The following ANKH variants were observed in gnomAD, a reference collection of about 807,000 sequenced individuals.
ANKH encodes the protein ANKH inorganic pyrophosphate transport regulator, also known as mineralization regulator ANKH.
ANKH carries 15 observed loss-of-function variants against 49.0 expected under a neutral mutation model. That is an observed-to-expected ratio of 0.31 (90% confidence interval 0.20 to 0.47). The LOEUF is 0.47. Ranked by LOEUF, ANKH falls within the 20% of genes least tolerant of loss-of-function variation. The pLI is 1.00. For missense variants in ANKH, 429 were observed against 652.0 expected, an observed-to-expected ratio of 0.66 and a Z score of 3.72; for synonymous variants, 273 against 260.0, an observed-to-expected ratio of 1.05 and a Z score of -0.48.
At chr5:14,807,604 G>A (rs1740747043) in intron 1 of ANKH, among the ~76,000 whole-genome samples, 1 of 152,180 alleles carries the variant, frequency 6.6e-6, no homozygotes, top group South Asian at 2.1e-4. Flanking sequence ...ACTGACACCT[G>A]TCTTAGATTA....
chr5:14,749,059 A>T, intron 6 of ANKH, 113 bp downstream of exon 6: 1 of 1,448,884 alleles, frequency 6.9e-7, no homozygotes, highest in Non-Finnish European at 9.6e-7. Flanking sequence ...ACTGTCATGT[A>T]ATTTAATATT....
At chr5:14,723,689 TTC>T (rs1393986348) in intron 8 of ANKH, among the ~76,000 whole-genome samples, 1 of 152,206 alleles carries the variant, frequency 6.6e-6, no homozygotes, top group Non-Finnish European at 1.5e-5. Context: ...CATAATTCAC[TTC>T]TCTGTTATTT....
intron 1 of ANKH, among the ~76,000 whole-genome samples, chr5:14,819,936 CACATT>C (rs1276308957): frequency 7.1e-6 from 1 of 140,798 alleles, no homozygotes; most frequent in Admixed American, 7.3e-5. Context: ...CACACACACA[CACATT>C]AAGCCTAATC....
At chr5:14,721,305 A>C (rs1165869061) in intron 8 of ANKH, among the ~76,000 whole-genome samples, 2 of 152,154 alleles carry the variant, frequency 1.3e-5, no homozygotes, top group South Asian at 4.1e-4. Flanking sequence ...CACACCCTAA[A>C]TGCCCCTTAT....
At chr5:14,866,589 T>A (rs1228735517) in intron 1 of ANKH, among the ~76,000 whole-genome samples, 1 of 152,204 alleles carries the variant, frequency 6.6e-6, no homozygotes, top group African/African-American at 2.4e-5. Context: ...GCAGATACTT[T>A]AAAAGAAATA....
chr5:14,715,382 C>T (rs1015773349), intron 9 of ANKH, among the ~76,000 whole-genome samples: 8 of 152,118 alleles, frequency 5.3e-5, no homozygotes, highest in Admixed American at 3.9e-4. Context: ...CCACCTGCCT[C>T]GGACTACCAA....
intron 1 of ANKH, among the ~76,000 whole-genome samples, chr5:14,849,922 C>G (rs1742078782): frequency 6.6e-6 from 1 of 152,134 alleles, no homozygotes; most frequent in Non-Finnish European, 1.5e-5. Context: ...TGCACCCTTT[C>G]CTGCCTTACA....
At chr5:14,815,441 A>C (rs1004101346) in intron 1 of ANKH, among the ~76,000 whole-genome samples, 1 of 152,200 alleles carries the variant, frequency 6.6e-6, no homozygotes, top group Non-Finnish European at 1.5e-5. Flanking sequence ...GAAATTGTTC[A>C]TTCATAGTCA....
rs575713695 is a variant in ANKH at position 14,737,072 on chromosome 5, A to G, written c.1011+4755T>C. ...AAGGTGTTAAAAACTTCTGTTTATT[A>G]AAATATGATTGGCTATGGACTTCAG... On this transcript the variant is annotated intron_variant, in intron 8 of 11. Transcript: ENST00000284268. The surrounding 1 kb of genome is among the most constrained non-coding windows in gnomAD (Gnocchi z 5.0). Among the ~76,000 whole-genome samples, 1 of 152,374 alleles carries G rather than the reference A, an allele frequency of 6.6e-6. No individual in the cohort carries two copies. Among genetic ancestry groups the G allele is most frequent in the African/African-American group, 2.4e-5 (1 of 41,584 alleles).
chr5:14,810,439 G>A (rs1740845029), intron 1 of ANKH, among the ~76,000 whole-genome samples: 1 of 152,198 alleles, frequency 6.6e-6, no homozygotes, highest in African/African-American at 2.4e-5. Flanking sequence ...GATTACAGGA[G>A]TGAGCCACCG....
intron 8 of ANKH, among the ~76,000 whole-genome samples, chr5:14,734,514 A>G (rs1580014875): frequency 6.6e-6 from 1 of 152,246 alleles, no homozygotes; most frequent in Non-Finnish European, 1.5e-5. Flanking sequence ...CTGAAACCTT[A>G]TAACACTATG....
Position 14,758,528 on chromosome 5 carries a change from C to G in ANKH, c.384G>C (p.Thr128=), listed in dbSNP as rs751012581. The change falls in exon 3 of 12, where the codon ACG becomes ACC. Residue 128 remains threonine (T), a synonymous_variant. Transcript: ENST00000284268. ...HHVDESVGSK[T]RRAFLYLAAF... Reference sequence around the variant, plus strand: ...CGGCGAGGTACAGGAAGGCCCTTCTCGTCTTGCTCCCCACCGACTCGTCCA... The same window carrying G: ...CGGCGAGGTACAGGAAGGCCCTTCTGGTCTTGCTCCCCACCGACTCGTCCA... The G allele has an allele frequency of 1.2e-6, 2 of 1,613,994 alleles. No homozygotes were observed. The highest frequency in any genetic ancestry group is 1.3e-5 in the African/African-American group (1 of 74,886).
chr5:14,846,809 T>A (rs1257557317), intron 1 of ANKH, among the ~76,000 whole-genome samples: 1 of 151,782 alleles, frequency 6.6e-6, no homozygotes, highest in African/African-American at 2.4e-5. Flanking sequence ...CTGGCCAACA[T>A]GGTAAAACTG....
intron 1 of ANKH, among the ~76,000 whole-genome samples, chr5:14,801,178 C>CAGAATT (rs1273673252): frequency 6.6e-6 from 1 of 152,210 alleles, no homozygotes; most frequent in Non-Finnish European, 1.5e-5. Context: ...GAAGATTTAA[C>CAGAATT]AGAATTATTG....
chr5:14,835,387 G>C (rs1011095503), intron 1 of ANKH, among the ~76,000 whole-genome samples: 1 of 152,154 alleles, frequency 6.6e-6, no homozygotes, highest in Non-Finnish European at 1.5e-5. Context: ...CCCACAGACA[G>C]GTTGAAATGC....
At chr5:14,827,170 C>T (rs528806360) in intron 1 of ANKH, among the ~76,000 whole-genome samples, 3 of 152,344 alleles carry the variant, frequency 2.0e-5, no homozygotes, top group Non-Finnish European at 2.9e-5. Context: ...TTCTTCTTTC[C>T]GCGTGACTCT....
intron 8 of ANKH, among the ~76,000 whole-genome samples, chr5:14,718,817 C>A (rs368878794): frequency 7.5e-5 from 10 of 132,904 alleles, no homozygotes; most frequent in African/African-American, 2.9e-4. Context: ...GAAACTCCAT[C>A]CTCCCAACAC....
chr5:14,729,045 G>C (rs1290085867), intron 8 of ANKH, among the ~76,000 whole-genome samples: 1 of 151,968 alleles, frequency 6.6e-6, no homozygotes, highest in Non-Finnish European at 1.5e-5. Context: ...TGAAATGATG[G>C]GAAAAAAGCC....
chr5:14,809,354 A>G (rs7721484), intron 1 of ANKH, among the ~76,000 whole-genome samples: 2,152 of 130,262 alleles, frequency 0.017, 50 homozygotes, highest in African/African-American at 0.057. Flanking sequence ...AAAAAAAAAA[A>G]AAAGAAAAAA....
Sources: allele counts gnomAD v4.1 joint callset (sites outside exome capture counted in the v4.1 genomes callset), GRCh38; gene constraint gnomAD v4.1.1; non-coding constraint Gnocchi (gnomAD v3.1); transcripts MANE v1.5; gene names NCBI Gene and HGNC (gene_info 2026-07-23, HGNC 2026-07-21).